The following KDM4C variants were observed in gnomAD, a reference collection of about 807,000 sequenced individuals.
KDM4C encodes the protein lysine-specific demethylase 4C.
KDM4C carries 81 observed loss-of-function variants against 129.3 expected under a neutral mutation model. That is an observed-to-expected ratio of 0.63 (90% CI 0.52 to 0.75). The LOEUF is 0.75. Ranked by LOEUF, KDM4C falls within the 30% of genes least tolerant of loss-of-function variation. The pLI, the probability that KDM4C is intolerant of heterozygous loss-of-function variation, is 0.00. For missense variants in KDM4C, 1,457 were observed against 1,304.0 expected (o/e 1.12, Z -1.81); for synonymous variants, 573 against 456.1 (o/e 1.26, Z -3.26).
At chr9:6,773,356 A>C (rs950932168) in intron 1 of KDM4C, among the ~76,000 whole-genome samples, 1 of 152,176 alleles carries the variant, frequency 6.6e-6, no homozygotes, top group Admixed American at 6.5e-5. Context: ...ACTTTAGACA[A>C]ATTATTTATT....
Position 6,729,853 on chromosome 9 carries a change from T to C in KDM4C, c.49+8856T>C, listed in dbSNP as rs950248570. 8.4e-4 allele frequency among the ~76,000 whole-genome samples: 112 copies of C among 133,832 alleles called. 23 individuals carry two copies. The highest frequency in any genetic ancestry group is 2.5e-4 in the Non-Finnish European group (16 of 65,226). 87.8% of individuals were successfully genotyped at this position (133,832 alleles called of 152,430 possible). A position where few individuals can be genotyped will look rare whatever the true frequency, so the allele number is the denominator to read the frequency against. On this transcript the variant is annotated intron_variant, in intron 1 of 17. Transcript: ENST00000536108. ...GGCCGGGCATGGTGGCTTATGCCTA[T>C]AATCCCAGCACTTTGGGAGGGAGAG...
chr9:7,169,871 A>G lies in KDM4C; in HGVS notation c.2975A>G (p.Lys992Arg), dbSNP rs772178343. ...TACACTTTAGATGAAGAGTTACCCA[A>G]GAGAGTGAAAGCTCGATTTGTAAGT... ...DIYTLDEELP[K>R]RVKARFSTAS... Residue 992 changes from lysine (K) to arginine (R), a missense_variant, in exon 21 of 22, where the codon AAG becomes AGG. Coordinates refer to ENST00000381309, the MANE Select transcript of KDM4C (RefSeq NM_015061.6). 4.3e-6 allele frequency: 7 copies of G among 1,614,058 alleles called. No homozygotes were observed. In the East Asian group the frequency reaches 8.9e-5, roughly 21 times the overall value.
rs577255496 is a variant in KDM4C at position 7,153,813 on chromosome 9, G to A, written c.2782-11425G>A. On this transcript the variant is annotated intron_variant, in intron 19 of 21. Coordinates refer to ENST00000381309, the MANE Select transcript of KDM4C (RefSeq NM_015061.6). ...CAGAAGAACAAAGGTCAGAAAATAG[G>A]CAAGAACAAAAAGGAGGCTGTTCAG... is the stretch of plus-strand genomic sequence containing the variant. Among the ~76,000 whole-genome samples, 27 of 152,256 alleles carry A rather than the reference G, an allele frequency of 1.8e-4. 1 individual carries two copies. The South Asian group carries it at 5.4e-3, about 30-fold the overall frequency.
chr9:6,741,262 G>A (rs925028610), intron 1 of KDM4C, among the ~76,000 whole-genome samples: 4 of 151,952 alleles, frequency 2.6e-5, no homozygotes, highest in African/African-American at 9.7e-5. Context: ...CAAGGTGGTG[G>A]TGCGTGCGTG....
chr9:6,994,919 T>C (rs1819419267), intron 12 of KDM4C, among the ~76,000 whole-genome samples: 1 of 152,190 alleles, frequency 6.6e-6, no homozygotes, highest in South Asian at 2.1e-4. Flanking sequence ...GCTGACCCAT[T>C]GTAGATGCGG....
chr9:6,826,622 T>C (rs1331125335), intron 4 of KDM4C, among the ~76,000 whole-genome samples: 4 of 152,160 alleles, frequency 2.6e-5, no homozygotes. Flanking sequence ...TCCCAGCACT[T>C]TGGGAGGCCA....
intron 8 of KDM4C, among the ~76,000 whole-genome samples, chr9:6,895,904 T>C (rs1816343337): frequency 6.6e-6 from 1 of 152,216 alleles, no homozygotes; most frequent in African/African-American, 2.4e-5. Flanking sequence ...AATATTTTCA[T>C]GTCTATTCTT....
rs1370572103 is a variant in KDM4C, at chr9:6,760,509, A to G, written c.-18+2306A>G. On this transcript the variant is annotated intron_variant, in intron 1 of 21. Transcript: ENST00000381309. ...ACATCTGTTGAATGACTGCATGCGT[A>G]AGGAGGGATAGTTAGTCTTGGGTGA... Among the ~76,000 whole-genome samples, 3 of 150,110 alleles carry G rather than the reference A, an allele frequency of 2.0e-5. No homozygotes were observed. In the East Asian group the frequency reaches 5.8e-4, roughly 29 times the overall value.
intron 8 of KDM4C, among the ~76,000 whole-genome samples, chr9:6,929,990 G>T (rs1045158243): frequency 1.3e-5 from 2 of 152,090 alleles, no homozygotes; most frequent in African/African-American, 4.8e-5. Flanking sequence ...TGAGTCCTGA[G>T]GGTCTTTGGG....
chr9:6,837,692 C>A (rs1836142569), intron 4 of KDM4C, among the ~76,000 whole-genome samples: 1 of 151,858 alleles, frequency 6.6e-6, no homozygotes, highest in Non-Finnish European at 1.5e-5. Flanking sequence ...TTGGCTTTTT[C>A]TTTATTTGGA....
intron 1 of KDM4C, among the ~76,000 whole-genome samples, chr9:6,782,854 C>A (rs1044484964): frequency 6.6e-6 from 1 of 152,102 alleles, no homozygotes; most frequent in Non-Finnish European, 1.5e-5. Context: ...GTGGGAAAAT[C>A]AGCAAAGACT....
chr9:7,062,190 G>A (rs1387781978), intron 17 of KDM4C, among the ~76,000 whole-genome samples: 1 of 152,038 alleles, frequency 6.6e-6, no homozygotes, highest in Non-Finnish European at 1.5e-5. Context: ...GGATGGTCTC[G>A]ACCTCCTGAC....
chr9:7,042,087 A>G (rs1828696996), intron 15 of KDM4C, among the ~76,000 whole-genome samples: 1 of 152,060 alleles, frequency 6.6e-6, no homozygotes, highest in African/African-American at 2.4e-5. Flanking sequence ...AATCTTGTGC[A>G]TGTTTAACTA....
intron 5 of KDM4C, among the ~76,000 whole-genome samples, chr9:6,865,260 G>C (rs896119096): frequency 1.3e-5 from 2 of 152,004 alleles, no homozygotes; most frequent in Non-Finnish European, 2.9e-5. Flanking sequence ...CGACCGCCTT[G>C]GCCTCCCAAA....
Position 7,049,023 on chromosome 9 carries a change from G to C in KDM4C, c.2316-69G>C, listed in dbSNP as rs1829795532. On this transcript the variant is annotated intron_variant, in intron 16 of 21. Transcript: ENST00000381309. The stretch of plus-strand genomic sequence containing the variant: ...TGTGTATTTCCCATCTGTGAGAACT[G>C]GCATCACCAAGTTGAAGTATGTAAG... 8.3e-6 allele frequency: 8 copies of C among 965,868 alleles called. No homozygotes were observed. In the Admixed American group the frequency reaches 1.4e-4, roughly 17 times the overall value. The allele number at this position is 965,868 out of a possible 1,614,324, so 59.8% of individuals were successfully genotyped here.
chr9:6,765,590 G>A (rs1020303132), intron 1 of KDM4C, among the ~76,000 whole-genome samples: 1 of 152,112 alleles, frequency 6.6e-6, no homozygotes, highest in Admixed American at 6.6e-5. Context: ...TCCCTCACTA[G>A]CACTATAGTA....
chr9:6,976,057 A>G (rs966528084), intron 8 of KDM4C, among the ~76,000 whole-genome samples: 3 of 148,202 alleles, frequency 2.0e-5, no homozygotes, highest in African/African-American at 7.4e-5. Flanking sequence ...ATAAAAAATC[A>G]GTTAGGGGAT....
chr9:7,015,598 GTGTGAACAAA>G (rs1450700932), intron 14 of KDM4C, among the ~76,000 whole-genome samples: 1 of 152,120 alleles, frequency 6.6e-6, no homozygotes, highest in African/African-American at 2.4e-5. Flanking sequence ...AGATGTCTGT[GTGTGAACAAA>G]TTAGTAGACT....
intron 2 of KDM4C, among the ~76,000 whole-genome samples, chr9:6,801,010 A>T (rs1005078416): frequency 7.9e-5 from 12 of 152,156 alleles, no homozygotes; most frequent in African/African-American, 2.9e-4. Flanking sequence ...TTAAGGTAAA[A>T]TTGACAGCTC....
Sources: allele counts gnomAD v4.1 joint callset (sites outside exome capture counted in the v4.1 genomes callset), GRCh38; gene constraint gnomAD v4.1.1; transcripts MANE v1.5; gene names NCBI Gene and HGNC (gene_info 2026-07-23, HGNC 2026-07-21).